The following PTPRD variants were observed in gnomAD, a reference collection of about 807,000 sequenced individuals.
PTPRD encodes receptor-type tyrosine-protein phosphatase delta.
PTPRD carries 34 observed loss-of-function variants against 214.5 expected under a neutral mutation model. The ratio of observed to expected loss-of-function variants is 0.16; its 90% confidence interval spans 0.12 to 0.21. The LOEUF is 0.21. Among genes scored for constraint, PTPRD ranks in the 10% least tolerant of loss-of-function variants. PTPRD has a pLI of 1.00. For missense variants in PTPRD, 2,545 were observed against 2,398.7 expected, an observed-to-expected ratio of 1.06 and a Z score of -1.27; for synonymous variants, 1,128 against 845.7, an observed-to-expected ratio of 1.33 and a Z score of -5.79.
chr9:10,422,887 G>C (rs1034480695), intron 2 of PTPRD, among the ~76,000 whole-genome samples: 1 of 152,072 alleles, frequency 6.6e-6, no homozygotes, highest in Non-Finnish European at 1.5e-5. Flanking sequence ...CATTGTGGAA[G>C]ACAGTGTGGC....
At chr9:8,388,163 C>T (rs906511165) in intron 37 of PTPRD, among the ~76,000 whole-genome samples, 4 of 152,134 alleles carry the variant, frequency 2.6e-5, no homozygotes, top group African/African-American at 9.7e-5. Context: ...ATGTTTCTGT[C>T]TGAGCTTTTC....
intron 39 of PTPRD, among the ~76,000 whole-genome samples, chr9:8,351,888 G>T (rs931530010): frequency 2.6e-5 from 4 of 151,870 alleles, no homozygotes; most frequent in African/African-American, 9.7e-5. Flanking sequence ...ACAGAGAAGG[G>T]GCAGAAACTA....
intron 2 of PTPRD, among the ~76,000 whole-genome samples, chr9:10,442,150 A>T (rs965717211): frequency 6.6e-6 from 1 of 151,692 alleles, no homozygotes; most frequent in Non-Finnish European, 1.5e-5. Context: ...CCTCAACTAA[A>T]ATACCTTAAA....
intron 14 of PTPRD, among the ~76,000 whole-genome samples, chr9:8,586,208 G>A (rs2093643802): frequency 2.6e-5 from 4 of 152,168 alleles, no homozygotes; most frequent in Admixed American, 2.6e-4. Flanking sequence ...GTTGAGGCAG[G>A]AGAATTGCTA....
At chr9:9,717,786 T>G (rs193210864) in intron 7 of PTPRD, among the ~76,000 whole-genome samples, 99 of 152,318 alleles carry the variant, frequency 6.5e-4, no homozygotes, top group African/African-American at 2.2e-3. Context: ...TTGTTTTTGA[T>G]TTCTCAGACC....
chr9:9,352,683 T>C (rs938402684), intron 9 of PTPRD, among the ~76,000 whole-genome samples: 18 of 151,902 alleles, frequency 1.2e-4, no homozygotes, highest in African/African-American at 3.9e-4. Context: ...CGTGTAAGCA[T>C]GACGAATTAA....
chr9:8,799,322 G>A (rs975573609), intron 11 of PTPRD, among the ~76,000 whole-genome samples: 1 of 152,154 alleles, frequency 6.6e-6, no homozygotes, highest in Non-Finnish European at 1.5e-5. Flanking sequence ...GTTGTAGTTG[G>A]TATAAGAAAG....
At chr9:10,582,638 C>T (rs1008075478) in intron 2 of PTPRD, among the ~76,000 whole-genome samples, 1 of 152,172 alleles carries the variant, frequency 6.6e-6, no homozygotes, top group Non-Finnish European at 1.5e-5. Context: ...TATTTAATAT[C>T]TATCCATCCA....
chr9:9,788,790 T>G, intron 5 of PTPRD, among the ~76,000 whole-genome samples: 1 of 151,668 alleles, frequency 6.6e-6, no homozygotes, highest in Admixed American at 6.6e-5. Context: ...TAAAGAATAT[T>G]TTTTTTTTCT....
At chr9:9,847,652 G>A (rs2059789436) in intron 5 of PTPRD, among the ~76,000 whole-genome samples, 1 of 152,056 alleles carries the variant, frequency 6.6e-6, no homozygotes, top group South Asian at 2.1e-4. Flanking sequence ...CATTCCTTCT[G>A]TTTCTGTGGT....
intron 10 of PTPRD, among the ~76,000 whole-genome samples, chr9:9,126,204 G>C: frequency 6.6e-6 from 1 of 152,162 alleles, no homozygotes; most frequent in East Asian, 1.9e-4. Flanking sequence ...ATTTTAGATC[G>C]ATAATGTCTT....
intron 2 of PTPRD, among the ~76,000 whole-genome samples, chr9:10,346,031 C>G (rs2097074135): frequency 6.6e-6 from 1 of 152,116 alleles, no homozygotes; most frequent in African/African-American, 2.4e-5. Flanking sequence ...CATTTAACCT[C>G]TTTCATATAT....
At chr9:9,597,732 A>G (rs976479366) in intron 7 of PTPRD, among the ~76,000 whole-genome samples, 1 of 152,052 alleles carries the variant, frequency 6.6e-6, no homozygotes, top group Non-Finnish European at 1.5e-5. Context: ...GTTTCAGCTC[A>G]GTAGTGCGAA....
At chr9:8,384,582 C>A (rs1564444277) in intron 37 of PTPRD, among the ~76,000 whole-genome samples, 1 of 152,168 alleles carries the variant, frequency 6.6e-6, no homozygotes, top group Non-Finnish European at 1.5e-5. Flanking sequence ...GGCTGGAGTA[C>A]AATGGTGCAA....
intron 10 of PTPRD, among the ~76,000 whole-genome samples, chr9:9,027,010 G>A (rs114844102): frequency 6.6e-6 from 1 of 151,342 alleles, no homozygotes; most frequent in South Asian, 2.1e-4. Context: ...CTTTCTCCCA[G>A]TTATGGCTTT....
intron 44 of PTPRD, among the ~76,000 whole-genome samples, chr9:8,322,141 T>C (rs1829000228): frequency 6.6e-6 from 1 of 152,100 alleles, no homozygotes; most frequent in Admixed American, 6.6e-5. Context: ...AACCAGCAGT[T>C]TCCCCATCTG....
Position 8,404,657 on chromosome 9 carries a change from T to C in PTPRD, c.4090A>G (p.Ile1364Val), listed in dbSNP as rs762480866. Residue 1364 changes from isoleucine (I) to valine (V), a missense_variant, in exon 36 of 46, where the codon ATT becomes GTT. Ile to Val is a conservative substitution (Grantham distance 29). Coordinates refer to ENST00000381196, the MANE Select transcript of PTPRD (RefSeq NM_002839.4). ...CAAGTGAACTGCTGGCCAGGGTCAA[T>C]TGACTTTAAAAGGAAAACAACACAT... The part of the protein sequence containing the change: ...NLKFSQEYES[I>V]DPGQQFTWEH... 39 of 1,609,118 alleles carry C rather than the reference T, an allele frequency of 2.4e-5. No homozygotes were observed. In the Admixed American group the frequency reaches 3.0e-4, roughly 12 times the overall value.
chr9:9,518,791 CAAGT>C (rs965981724), intron 8 of PTPRD, among the ~76,000 whole-genome samples: 8 of 151,964 alleles, frequency 5.3e-5, no homozygotes, highest in Non-Finnish European at 1.2e-4. Flanking sequence ...ATAAGAAAAA[CAAGT>C]AAGAAAGATT....
intron 11 of PTPRD, among the ~76,000 whole-genome samples, chr9:8,779,328 T>C (rs868169620): frequency 3.4e-4 from 51 of 152,042 alleles, no homozygotes; most frequent in African/African-American, 1.2e-3. Flanking sequence ...ACCAAGTACT[T>C]ACCCAGCCCC....
Sources: gnomAD v4.1 joint callset for allele counts (sites outside exome capture counted in the v4.1 genomes callset) on GRCh38, gnomAD v4.1.1 for gene constraint, MANE v1.5 for transcripts, NCBI Gene and HGNC (gene_info 2026-07-23, HGNC 2026-07-21) for gene names.